RPTOR: variants seen among roughly 807,000 people sequenced by gnomAD.
RPTOR encodes the protein regulatory-associated protein of mTOR.
RPTOR carries 21 observed loss-of-function variants against 169.9 expected under a neutral mutation model. The observed-to-expected ratio is 0.12, with a 90% CI of 0.09 to 0.18. RPTOR has a LOEUF of 0.18. Among genes scored for constraint, RPTOR ranks in the 10% least tolerant of loss-of-function variants. The pLI is 1.00. For missense variants in RPTOR, 1,133 were observed against 1,855.9 expected (o/e 0.61, Z 7.16); for synonymous variants, 732 against 753.2 (o/e 0.97, Z 0.46).
At chr17:80,769,798 T>C (rs1598292821) in intron 6 of RPTOR, among the ~76,000 whole-genome samples, 2 of 152,214 alleles carry the variant, frequency 1.3e-5, no homozygotes, top group Middle Eastern at 3.4e-3. Flanking sequence ...AGCAGCCCAG[T>C]GTGGCATCTG....
chr17:80,619,777 A>G (rs945615087), intron 1 of RPTOR, among the ~76,000 whole-genome samples: 4 of 152,124 alleles, frequency 2.6e-5, no homozygotes, highest in African/African-American at 9.7e-5. Flanking sequence ...GTTATGTGAG[A>G]TGGGGCAGAG....
chr17:80,847,698 G>A (rs754983639), intron 11 of RPTOR, among the ~76,000 whole-genome samples: 5 of 152,180 alleles, frequency 3.3e-5, no homozygotes, highest in Non-Finnish European at 5.9e-5. Flanking sequence ...TCTGAGAGTC[G>A]GCAGAGTTGG....
chr17:80,920,940 T>C (rs780163177), intron 21 of RPTOR, among the ~76,000 whole-genome samples: 2 of 152,240 alleles, frequency 1.3e-5, no homozygotes, highest in Non-Finnish European at 2.9e-5. Context: ...AATAGTTTAA[T>C]ACCAAAACAA....
intron 13 of RPTOR, among the ~76,000 whole-genome samples, chr17:80,877,726 C>T (rs186982465): frequency 6.6e-6 from 1 of 152,340 alleles, no homozygotes; most frequent in East Asian, 1.9e-4. Flanking sequence ...CGATGCATCT[C>T]AGTTTATTTG....
intron 28 of RPTOR, among the ~76,000 whole-genome samples, chr17:80,951,263 A>C (rs1488213810): frequency 6.6e-6 from 1 of 152,158 alleles, no homozygotes; most frequent in Non-Finnish European, 1.5e-5. Context: ...TGCAGGAAAC[A>C]AGACTTGGTG....
chr17:80,830,650 T>C (rs1286785374), intron 9 of RPTOR, among the ~76,000 whole-genome samples: 1 of 152,172 alleles, frequency 6.6e-6, no homozygotes, highest in African/African-American at 2.4e-5. Flanking sequence ...GGTGCGCTGC[T>C]CCAGTGGCTT....
chr17:80,727,691 T>G (rs779760796), intron 4 of RPTOR, among the ~76,000 whole-genome samples: 8 of 152,150 alleles, frequency 5.3e-5, no homozygotes, highest in Non-Finnish European at 1.5e-5. Flanking sequence ...CTACAACTGC[T>G]TTAGAAGAGA....
intron 1 of RPTOR, among the ~76,000 whole-genome samples, chr17:80,614,193 ATGC>A (rs1453511718): frequency 2.6e-5 from 4 of 152,264 alleles, no homozygotes; most frequent in African/African-American, 7.2e-5. Flanking sequence ...ACCAAGCCAC[ATGC>A]TGCGGTTGGG....
At chr17:80,665,932 C>G (rs1253699476) in intron 3 of RPTOR, among the ~76,000 whole-genome samples, 1 of 152,254 alleles carries the variant, frequency 6.6e-6, no homozygotes, top group South Asian at 2.1e-4. Flanking sequence ...TTGTTTGTCT[C>G]GTAACCCTGG....
chr17:80,752,865 T>A (rs534099761), intron 5 of RPTOR, among the ~76,000 whole-genome samples: 3 of 152,360 alleles, frequency 2.0e-5, no homozygotes, highest in Admixed American at 2.0e-4. Context: ...TTAGATTTCA[T>A]TTGGTAAAAA....
chr17:80,879,722 T>C (rs1283571861), intron 13 of RPTOR, among the ~76,000 whole-genome samples: 3 of 152,190 alleles, frequency 2.0e-5, no homozygotes, highest in Non-Finnish European at 2.9e-5. Flanking sequence ...TGGCTGTGAT[T>C]GTGCTGACAG....
rs73357822 is a variant in RPTOR at position 80,938,112 on chromosome 17, C to T, written c.2920-2384C>T. Among the ~76,000 whole-genome samples the T allele has an allele frequency of 1.7e-3, 263 of 152,378 alleles. 2 individuals are homozygous for T. The highest frequency in any genetic ancestry group is 6.1e-3 in the African/African-American group (252 of 41,590). ...GGGCCGGGAGAGGGCCCTTGCAGTG[C>T]CGTGGCAACAGGACAAGTGTGGGGC... On this transcript the variant is annotated intron_variant, in intron 24 of 33. Transcript: ENST00000306801.
intron 1 of RPTOR, among the ~76,000 whole-genome samples, chr17:80,585,735 A>G (rs2065055465): frequency 6.6e-6 from 1 of 152,234 alleles, no homozygotes; most frequent in African/African-American, 2.4e-5. Context: ...TATATAGATT[A>G]GATTTTATAA....
intron 1 of RPTOR, among the ~76,000 whole-genome samples, chr17:80,614,748 AG>A (rs1269218203): frequency 6.6e-6 from 1 of 152,248 alleles, no homozygotes; most frequent in African/African-American, 2.4e-5. Context: ...TGAAGCACCC[AG>A]GGAAGATGCA....
intron 6 of RPTOR, among the ~76,000 whole-genome samples, chr17:80,783,274 G>A (rs773980909): frequency 2.0e-5 from 3 of 152,106 alleles, no homozygotes; most frequent in Admixed American, 6.5e-5. Context: ...CTCTCTCTCC[G>A]TCTCTGTCCC....
intron 7 of RPTOR, among the ~76,000 whole-genome samples, chr17:80,819,413 A>G (rs1300645258): frequency 6.6e-6 from 1 of 152,210 alleles, no homozygotes; most frequent in African/African-American, 2.4e-5. Context: ...GTCCCATATT[A>G]TTGAAATATT....
intron 13 of RPTOR, among the ~76,000 whole-genome samples, chr17:80,862,785 T>TTGTGCAGATCGGGGTGCACATGG (rs2067934430): frequency 6.6e-6 from 1 of 150,838 alleles, no homozygotes; most frequent in African/African-American, 2.5e-5. Context: ...GGGCTTGCCA[T>TTGTGCAGATCGGGGTGCACATGG]TGTGCAGATC....
intron 21 of RPTOR, among the ~76,000 whole-genome samples, chr17:80,921,957 G>A (rs147162248): frequency 6.6e-6 from 1 of 152,314 alleles, no homozygotes; most frequent in Non-Finnish European, 1.5e-5. Flanking sequence ...CAGCCCCTCG[G>A]CCAGGAGGAT....
intron 3 of RPTOR, among the ~76,000 whole-genome samples, chr17:80,693,968 G>A (rs926745084): frequency 6.6e-6 from 1 of 152,358 alleles, no homozygotes; most frequent in Admixed American, 6.5e-5. Flanking sequence ...GATGCTCTGC[G>A]CAGAAACGGG....
Sources: allele counts gnomAD v4.1 joint callset (sites outside exome capture counted in the v4.1 genomes callset), GRCh38; gene constraint gnomAD v4.1.1; transcripts MANE v1.5; gene names NCBI Gene and HGNC (gene_info 2026-07-23, HGNC 2026-07-21).